Variants in PLXNA4 observed in about 807,000 individuals in gnomAD.
The protein encoded by PLXNA4 is plexin A4.
In PLXNA4, 44 loss-of-function variants were observed where a neutral mutation model predicts 191.8. The observed-to-expected ratio is 0.23, with a 90% CI of 0.18 to 0.29. PLXNA4 has a LOEUF of 0.29. Among genes scored for constraint, PLXNA4 ranks in the 10% least tolerant of loss-of-function variants. The probability of loss-of-function intolerance (pLI) is 1.00; values close to 1 mark genes in which losing one functional copy is unlikely to be tolerated. For synonymous variants in PLXNA4, 1,082 were observed against 1,009.5 expected (o/e 1.07, Z -1.36); for missense variants, 1,800 against 2,488.8 (o/e 0.72, Z 5.89).
Position 132,145,140 on chromosome 7 carries a change from C to T in PLXNA4, c.5204G>A (p.Arg1735His), listed in dbSNP as rs750643189. 6 of 1,613,998 alleles carry T rather than the reference C, an allele frequency of 3.7e-6. No homozygotes were observed. The highest frequency in any genetic ancestry group is 3.3e-5 in the South Asian group (3 of 91,074). ...TCACCAATTGCTCTTCCAGGTATGG[C>T]GGACGTGCGGGTCATGAATGCCATG... is the stretch of plus-strand genomic sequence containing the variant. The part of the protein sequence containing the change: ...DKHGIHDPHV[R>H]HTWKSNCLPL... Residue 1735 changes from arginine (R) to histidine (H), a missense_variant, in exon 29 of 32, where the codon CGC (arginine) becomes CAC (histidine). Arg to His is a conservative substitution (Grantham distance 29). Transcript: ENST00000321063.
intron 4 of PLXNA4, among the ~76,000 whole-genome samples, chr7:132,262,763 G>T (rs1005222556): frequency 6.6e-6 from 1 of 152,170 alleles, no homozygotes; most frequent in African/African-American, 2.4e-5. Context: ...GCTGGCTTAA[G>T]CTCAGTGGGG....
chr7:132,505,524 A>G (rs186049149), intron 2 of PLXNA4, among the ~76,000 whole-genome samples: 50 of 152,318 alleles, frequency 3.3e-4, no homozygotes, highest in Non-Finnish European at 6.0e-4. Flanking sequence ...GTCTTCTAAC[A>G]TAGGCCTGCA....
At chr7:132,360,573 A>G (rs574489844) in intron 3 of PLXNA4, among the ~76,000 whole-genome samples, 60 of 152,226 alleles carry the variant, frequency 3.9e-4, no homozygotes, top group Non-Finnish European at 8.1e-4. Flanking sequence ...CATACTCATG[A>G]CAGGTCTTGC....
At chr7:132,609,585 A>G (rs1446645236) in intron 2 of PLXNA4, among the ~76,000 whole-genome samples, 1 of 152,234 alleles carries the variant, frequency 6.6e-6, no homozygotes, top group Non-Finnish European at 1.5e-5. Flanking sequence ...CAGATGGCCA[A>G]CTACAACCTG....
At chr7:132,168,822 G>A (rs1465347002) in intron 21 of PLXNA4, among the ~76,000 whole-genome samples, 1 of 152,208 alleles carries the variant, frequency 6.6e-6, no homozygotes, top group African/African-American at 2.4e-5. Context: ...GGCGGGGCTA[G>A]GATGGCACTC....
At chr7:132,334,692 A>G (rs1235041930) in intron 3 of PLXNA4, among the ~76,000 whole-genome samples, 1 of 152,234 alleles carries the variant, frequency 6.6e-6, no homozygotes, top group African/African-American at 2.4e-5. Context: ...GGGTTAAACA[A>G]CAAGGGGGAA....
chr7:132,607,214 C>G (rs1802943722), intron 2 of PLXNA4, among the ~76,000 whole-genome samples: 1 of 152,216 alleles, frequency 6.6e-6, no homozygotes, highest in East Asian at 1.9e-4. Context: ...GGCTGACCTA[C>G]ACATACACCC....
intron 1 of PLXNA4, among the ~76,000 whole-genome samples, chr7:132,519,970 G>A (rs1332985767): frequency 1.3e-5 from 2 of 152,184 alleles, no homozygotes; most frequent in Non-Finnish European, 2.9e-5. Flanking sequence ...AGAGTGAAAT[G>A]TTGTAGGCTT....
At chr7:132,261,530 C>T (rs1458872485) in intron 4 of PLXNA4, among the ~76,000 whole-genome samples, 1 of 152,196 alleles carries the variant, frequency 6.6e-6, no homozygotes, top group African/African-American at 2.4e-5. Flanking sequence ...AGTTCTCTGC[C>T]TGATGAATGA....
chr7:132,454,146 T>A (rs1351273256), intron 3 of PLXNA4, among the ~76,000 whole-genome samples: 1 of 152,204 alleles, frequency 6.6e-6, no homozygotes, highest in Non-Finnish European at 1.5e-5. Flanking sequence ...AGGAAGCAAG[T>A]AAGCTTTGAG....
At chr7:132,453,699 G>A (rs1252905284) in intron 3 of PLXNA4, among the ~76,000 whole-genome samples, 1 of 152,088 alleles carries the variant, frequency 6.6e-6, no homozygotes, top group African/African-American at 2.4e-5. Flanking sequence ...GTGCCACCAT[G>A]CCCAGCTAAT....
At chr7:132,321,873 C>A (rs545057653) in intron 3 of PLXNA4, among the ~76,000 whole-genome samples, 1 of 151,434 alleles carries the variant, frequency 6.6e-6, no homozygotes, top group South Asian at 2.1e-4. Flanking sequence ...CTGGGTGGGG[C>A]GGAGGGGGCA....
intron 3 of PLXNA4, among the ~76,000 whole-genome samples, chr7:132,465,007 C>T (rs934062194): frequency 4.6e-5 from 7 of 152,232 alleles, no homozygotes; most frequent in Admixed American, 2.6e-4. Context: ...TCACTCAGAG[C>T]CTGACCCAGC....
At chr7:132,555,045 G>GAAAAAAAAAAACA (rs770401001) in intron 1 of PLXNA4, among the ~76,000 whole-genome samples, 1,619 of 111,826 alleles carry the variant, frequency 0.014, 26 homozygotes, top group African/African-American at 0.038. Context: ...AAACCTGAAG[G>GAAAAAAAAAAACA]AAAAAAAAAA....
At chr7:132,259,022 G>A (rs1036135379) in intron 4 of PLXNA4, among the ~76,000 whole-genome samples, 3 of 152,024 alleles carry the variant, frequency 2.0e-5, no homozygotes, top group East Asian at 1.9e-4. Flanking sequence ...TGTGTGCCAC[G>A]GTAATCTAAT....
intron 18 of PLXNA4, among the ~76,000 whole-genome samples, chr7:132,181,118 A>G (rs117028745): frequency 1.3e-5 from 2 of 152,232 alleles, no homozygotes; most frequent in African/African-American, 4.8e-5. Context: ...CTGACCTGCC[A>G]GTACTTGGAC....
chr7:132,487,283 T>C (rs1797600079), intron 3 of PLXNA4, among the ~76,000 whole-genome samples: 1 of 152,162 alleles, frequency 6.6e-6, no homozygotes, highest in South Asian at 2.1e-4. Context: ...GGTAAGACTC[T>C]TTTAGGGCAA....
At chr7:132,173,636 C>T (rs1472713637) in intron 21 of PLXNA4, among the ~76,000 whole-genome samples, 1 of 152,232 alleles carries the variant, frequency 6.6e-6, no homozygotes, top group Non-Finnish European at 1.5e-5. Flanking sequence ...ACGTTTGCTA[C>T]AGAGGTGCAC....
intron 3 of PLXNA4, among the ~76,000 whole-genome samples, chr7:132,305,472 G>A (rs1276750557): frequency 6.6e-6 from 1 of 151,516 alleles, no homozygotes; most frequent in Non-Finnish European, 1.5e-5. Flanking sequence ...GATCTTCCAA[G>A]GCAGCCAGCC....
Sources: gnomAD v4.1 joint callset for allele counts (sites outside exome capture counted in the v4.1 genomes callset) on GRCh38, gnomAD v4.1.1 for gene constraint, MANE v1.5 for transcripts, NCBI Gene and HGNC (gene_info 2026-07-23, HGNC 2026-07-21) for gene names.